Variants in RANBP17 observed in about 807,000 individuals in gnomAD.
RANBP17 encodes ran-binding protein 17.
RANBP17 carries 158 observed loss-of-function variants against 141.2 expected under a neutral mutation model. The ratio of observed to expected loss-of-function variants is 1.12; its 90% CI spans 0.98 to 1.28. RANBP17 has a LOEUF of 1.28. RANBP17 is among the 50% of genes most tolerant of loss of function. The probability of loss-of-function intolerance (pLI) is 0.00; values close to 1 mark genes in which losing one functional copy is unlikely to be tolerated. For synonymous variants in RANBP17, 430 were observed against 450.0 expected (o/e 0.96, Z 0.56); for missense variants, 1,438 against 1,290.7 (o/e 1.11, Z -1.75).
At chr5:171,066,370 A>G (rs1228397121) in intron 14 of RANBP17, among the ~76,000 whole-genome samples, 1 of 152,056 alleles carries the variant, frequency 6.6e-6, no homozygotes, top group Non-Finnish European at 1.5e-5. Context: ...CTCTACTTTT[A>G]TGAGGAGTTC....
At chr5:170,887,087 C>T (rs2161215) in intron 3 of RANBP17, among the ~76,000 whole-genome samples, 95,907 of 151,988 alleles carry the variant, frequency 0.63, 31,203 homozygotes, top group South Asian at 0.9. Context: ...TGAACTGTTA[C>T]CTTCTTTGGA....
chr5:170,995,527 T>C (rs1353258457), intron 14 of RANBP17, among the ~76,000 whole-genome samples: 1 of 152,142 alleles, frequency 6.6e-6, no homozygotes, highest in Non-Finnish European at 1.5e-5. Context: ...TCTGAATAAA[T>C]AATTTGAAAT....
At chr5:171,063,820 T>G (rs574523817) in intron 14 of RANBP17, among the ~76,000 whole-genome samples, 2 of 152,168 alleles carry the variant, frequency 1.3e-5, no homozygotes, top group African/African-American at 4.8e-5. Context: ...CTCCACCCAG[T>G]TCGAGCTTCC....
At chr5:170,911,502 C>T (rs979709461) in intron 7 of RANBP17, 6 of 714,284 alleles carry the variant, frequency 8.4e-6, no homozygotes, top group Non-Finnish European at 1.3e-5. Flanking sequence ...TTTAAATCTT[C>T]AGGATCAGTG....
At chr5:170,979,199 G>C (rs1008110483) in intron 14 of RANBP17, among the ~76,000 whole-genome samples, 7 of 152,128 alleles carry the variant, frequency 4.6e-5, no homozygotes, top group Non-Finnish European at 8.8e-5. Context: ...GTTGAGAAGA[G>C]GAATGGATTA....
chr5:170,904,882 T>G (rs1770950126), intron 5 of RANBP17, among the ~76,000 whole-genome samples: 1 of 152,178 alleles, frequency 6.6e-6, no homozygotes, highest in South Asian at 2.1e-4. Context: ...GAACATAATA[T>G]AAATATTTCT....
chr5:171,235,750 T>C (rs1764506081), intron 22 of RANBP17, among the ~76,000 whole-genome samples: 1 of 151,910 alleles, frequency 6.6e-6, no homozygotes, highest in Non-Finnish European at 1.5e-5. Context: ...TGATGATGCA[T>C]GCCACTACAC....
At chr5:170,890,194 A>G (rs990724583) in intron 3 of RANBP17, among the ~76,000 whole-genome samples, 1 of 152,200 alleles carries the variant, frequency 6.6e-6, no homozygotes, top group Non-Finnish European at 1.5e-5. Flanking sequence ...CCACTGCAAG[A>G]TGAACATTTT....
intron 13 of RANBP17, among the ~76,000 whole-genome samples, chr5:170,964,170 G>C (rs539741732): frequency 2.0e-5 from 3 of 152,206 alleles, no homozygotes; most frequent in Admixed American, 2.0e-4. Context: ...GTGCACTTTG[G>C]TAATAGCTAT....
At chr5:171,075,902 G>A (rs886508465) in intron 14 of RANBP17, among the ~76,000 whole-genome samples, 24 of 152,136 alleles carry the variant, frequency 1.6e-4, no homozygotes, top group African/African-American at 5.5e-4. Flanking sequence ...GCAGTGAGCC[G>A]AGATCATGCC....
chr5:171,053,912 TATATATATATATA>T lies in RANBP17; in HGVS notation c.1710+85538_1710+85550del, dbSNP rs1561596575. On this transcript the variant is annotated intron_variant, in intron 14 of 27. Transcript: ENST00000523189. The stretch of plus-strand genomic sequence containing the variant: ...ATATATATATATATATATATATATA[TATATATATATATA>T]ATTGCTGTATTTGATGCATATATGC... Among the ~76,000 whole-genome samples, 123 of 134,212 alleles carry T rather than the reference TATATATATATATA, an allele frequency of 9.2e-4. 3 individuals carry two copies. Among genetic ancestry groups the T allele is most frequent in the South Asian group, 2.6e-3 (11 of 4,282 alleles). 88.0% of individuals were successfully genotyped at this position (134,212 alleles called of 152,430 possible). A position where few individuals can be genotyped will look rare whatever the true frequency, so the allele number is the denominator to read the frequency against.
At chr5:170,954,371 G>A (rs1359048346) in intron 13 of RANBP17, among the ~76,000 whole-genome samples, 1 of 152,088 alleles carries the variant, frequency 6.6e-6, no homozygotes, top group Non-Finnish European at 1.5e-5. Context: ...TTTACTGCAT[G>A]TGTGTTTTTC....
intron 14 of RANBP17, among the ~76,000 whole-genome samples, chr5:171,165,298 C>G (rs1216618992): frequency 1.3e-5 from 2 of 152,108 alleles, no homozygotes; most frequent in Non-Finnish European, 2.9e-5. Context: ...TCTCCTGTCT[C>G]AGCCTCCCAA....
intron 13 of RANBP17, among the ~76,000 whole-genome samples, chr5:170,954,496 A>G (rs1189942913): frequency 6.8e-6 from 1 of 147,670 alleles, no homozygotes; most frequent in Non-Finnish European, 1.5e-5. Context: ...GTGCCTGGCA[A>G]TTAGTGGTAT....
rs11949333 is a variant in RANBP17 at position 171,055,201 on chromosome 5, T to A, written c.1710+86824T>A. ...TAGCTGATTCCTGTTTGTCCAGAAT[T>A]AGAATACTGATCCAGATTTTTACAT... is the stretch of plus-strand genomic sequence containing the variant. On this transcript the variant is annotated intron_variant, in intron 14 of 27. Coordinates refer to ENST00000523189, the MANE Select transcript of RANBP17 (RefSeq NM_022897.5). Among the ~76,000 whole-genome samples, 1,213 of 152,286 alleles carry A rather than the reference T, an allele frequency of 8.0e-3. 16 individuals are homozygous for A. The highest frequency in any genetic ancestry group is 0.028 in the African/African-American group (1,163 of 41,578).
intron 16 of RANBP17, among the ~76,000 whole-genome samples, chr5:171,178,844 C>G (rs1424165524): frequency 6.6e-6 from 1 of 152,128 alleles, no homozygotes; most frequent in Non-Finnish European, 1.5e-5. Context: ...TGTTCCTATC[C>G]GTCGCCCACT....
intron 14 of RANBP17, among the ~76,000 whole-genome samples, chr5:171,002,841 CAG>C (rs1779311973): frequency 6.6e-6 from 1 of 151,926 alleles, no homozygotes; most frequent in African/African-American, 2.4e-5. Context: ...TCAGGTGTAT[CAG>C]AGATACAGTC....
At chr5:170,871,426 A>T (rs1389743487) in intron 1 of RANBP17, among the ~76,000 whole-genome samples, 1 of 151,962 alleles carries the variant, frequency 6.6e-6, no homozygotes, top group Non-Finnish European at 1.5e-5. Context: ...TGGATATTAG[A>T]CCTTTGTCAC....
In RANBP17 at chr5:171,086,335, G is replaced by A. The variant is rs1473039650; in HGVS notation, c.1711-83795G>A. ...AAGCCCACTTGATCATGGTGGATAA[G>A]CGTTTTGATGTGCTGCTGGATTCGG... On this transcript the variant is annotated intron_variant, in intron 14 of 27. Transcript: ENST00000523189. Among the ~76,000 whole-genome samples the A allele has an allele frequency of 9.2e-5, 14 of 151,544 alleles. No individual in the cohort carries two copies. The South Asian group carries it at 2.9e-3, about 32-fold the overall frequency.
Sources: gnomAD v4.1 joint callset for allele counts (sites outside exome capture counted in the v4.1 genomes callset) on GRCh38, gnomAD v4.1.1 for gene constraint, MANE v1.5 for transcripts, NCBI Gene and HGNC (gene_info 2026-07-23, HGNC 2026-07-21) for gene names.